PRIM2: variants seen among roughly 807,000 people sequenced by gnomAD.
The protein encoded by PRIM2 is DNA primase large subunit.
Under a neutral mutation model 67.3 loss-of-function variants are expected in PRIM2, and 39 were observed. The observed-to-expected ratio is 0.58, with a 90% confidence interval of 0.45 to 0.76. PRIM2 has a LOEUF of 0.76. Ranked by LOEUF, PRIM2 falls within the 30% of genes least tolerant of loss-of-function variation. The pLI is 0.00. For missense variants in PRIM2, 398 were observed against 598.7 expected, an observed-to-expected ratio of 0.66 and a Z score of 3.50; for synonymous variants, 143 against 198.7, an observed-to-expected ratio of 0.72 and a Z score of 2.36.
chr6:57,279,093 G>A, the PRIM2 span, among the ~76,000 whole-genome samples: 5 of 152,176 alleles, frequency 3.3e-5, no homozygotes, highest in Non-Finnish European at 7.3e-5. Context: ...CCTACCCAAA[G>A]GGGTGAAATT....
chr6:57,457,724 C>T (rs1772851652), intron 7 of PRIM2, among the ~76,000 whole-genome samples: 1 of 152,320 alleles, frequency 6.6e-6, no homozygotes, highest in African/African-American at 2.4e-5. Context: ...TCCCTGACCC[C>T]TTGCGCTTCC....
At chr6:57,578,933 C>T (rs1776022605) in intron 10 of PRIM2, among the ~76,000 whole-genome samples, 1 of 151,914 alleles carries the variant, frequency 6.6e-6, no homozygotes, top group Non-Finnish European at 1.5e-5. Flanking sequence ...GCCTCGGCCT[C>T]CCAAAGTGCT....
chr6:57,573,301 A>G (rs1775896069), intron 10 of PRIM2, among the ~76,000 whole-genome samples: 1 of 152,214 alleles, frequency 6.6e-6, no homozygotes, highest in Admixed American at 6.5e-5. Context: ...CATCAGAGGC[A>G]GCTTTTGAGT....
chr6:57,309,252 C>T, the PRIM2 span, among the ~76,000 whole-genome samples: 1 of 150,386 alleles, frequency 6.6e-6, no homozygotes, highest in African/African-American at 2.4e-5. Flanking sequence ...AACTCGTCAT[C>T]TAGCATTAGG....
At chr6:57,567,148 A>G in intron 10 of PRIM2, among the ~76,000 whole-genome samples, 1 of 152,284 alleles carries the variant, frequency 6.6e-6, no homozygotes, top group East Asian at 1.9e-4. Flanking sequence ...TGTAATTTTG[A>G]TCAGCATGGG....
the PRIM2 span, among the ~76,000 whole-genome samples, chr6:57,299,576 G>A: frequency 1.8e-4 from 28 of 152,104 alleles, no homozygotes; most frequent in African/African-American, 4.8e-4. Context: ...CCCTATGCTC[G>A]GCATCCAACA....
the PRIM2 span, among the ~76,000 whole-genome samples, chr6:57,302,364 G>C: frequency 1.3e-5 from 2 of 152,124 alleles, no homozygotes; most frequent in Admixed American, 1.3e-4. Flanking sequence ...TCATTGGAAG[G>C]CATTTTTGAC....
At chr6:57,282,883 G>A in the PRIM2 span, among the ~76,000 whole-genome samples, 30,625 of 151,980 alleles carry the variant, frequency 0.2, 3,526 homozygotes, top group African/African-American at 0.31. Flanking sequence ...CTAAACGAAT[G>A]TACTTCCTTT....
intron 10 of PRIM2, among the ~76,000 whole-genome samples, chr6:57,542,890 AT>A (rs1206062773): frequency 2.0e-5 from 3 of 150,190 alleles, no homozygotes; most frequent in Non-Finnish European, 4.4e-5. Context: ...ACAATTAAAA[AT>A]ATTCTTAAGA....
chr6:57,604,186 G>A (rs1327433766), intron 11 of PRIM2, among the ~76,000 whole-genome samples: 184 of 152,178 alleles, frequency 1.2e-3, no homozygotes, highest in African/African-American at 4.2e-3. Context: ...GCATGGTGGC[G>A]TGCACCTGTA....
At chr6:57,571,029 A>G (rs1327713687) in intron 10 of PRIM2, among the ~76,000 whole-genome samples, 2 of 152,156 alleles carry the variant, frequency 1.3e-5, no homozygotes, top group Non-Finnish European at 2.9e-5. Flanking sequence ...ATAATGATAA[A>G]ACAGTAAAGA....
chr6:57,273,699 C>T, the PRIM2 span, among the ~76,000 whole-genome samples: 1 of 152,172 alleles, frequency 6.6e-6, no homozygotes, highest in Admixed American at 6.5e-5. Context: ...GGAGGAGAGG[C>T]ACTCTGGTTT....
chr6:57,246,016 T>C, the PRIM2 span, among the ~76,000 whole-genome samples: 1 of 152,256 alleles, frequency 6.6e-6, no homozygotes. Context: ...GCACACTTAT[T>C]GTATCACATG....
chr6:57,510,814 G>A (rs1430500360), intron 8 of PRIM2, among the ~76,000 whole-genome samples: 8 of 151,976 alleles, frequency 5.3e-5, no homozygotes, highest in Admixed American at 6.6e-5. Context: ...TAAATGTAAT[G>A]TTTTTATTTT....
intron 7 of PRIM2, among the ~76,000 whole-genome samples, chr6:57,421,250 G>C (rs1421279477): frequency 1.3e-5 from 2 of 152,120 alleles, no homozygotes; most frequent in Non-Finnish European, 2.9e-5. Flanking sequence ...GAACAAAAGA[G>C]ATTAAATAAA....
intron 5 of PRIM2, among the ~76,000 whole-genome samples, chr6:57,332,277 A>G (rs558669109): frequency 1.3e-5 from 2 of 152,200 alleles, no homozygotes; most frequent in South Asian, 2.1e-4. Flanking sequence ...ATTTTATTTT[A>G]TGACCTAGCA....
chr6:57,357,178 C>A (rs940033479), intron 5 of PRIM2, among the ~76,000 whole-genome samples: 1 of 152,178 alleles, frequency 6.6e-6, no homozygotes, highest in African/African-American at 2.4e-5. Context: ...GTGATCCCCC[C>A]ACATTGGCCT....
intron 5 of PRIM2, among the ~76,000 whole-genome samples, chr6:57,366,451 T>C (rs937311042): frequency 6.6e-6 from 1 of 151,694 alleles, no homozygotes; most frequent in Admixed American, 6.6e-5. Context: ...GGAGATGTGG[T>C]TGGGGAAAAT....
chr6:57,517,363 A>G (rs1774507482), intron 8 of PRIM2, among the ~76,000 whole-genome samples: 1 of 152,160 alleles, frequency 6.6e-6, no homozygotes, highest in Non-Finnish European at 1.5e-5. Flanking sequence ...TTTGTGATAT[A>G]TTAGCAACAA....
Sources: allele counts gnomAD v4.1 joint callset (sites outside exome capture counted in the v4.1 genomes callset), GRCh38; gene constraint gnomAD v4.1.1; transcripts MANE v1.5; gene names NCBI Gene and HGNC (gene_info 2026-07-23, HGNC 2026-07-21).